The following NOSTRIN variants were observed in gnomAD, a reference collection of about 807,000 sequenced individuals.
The protein encoded by NOSTRIN is BM247 homolog.
In NOSTRIN, 63 loss-of-function variants were observed where a neutral mutation model predicts 59.0. The observed-to-expected ratio is 1.07, with a 90% CI of 0.87 to 1.32. The LOEUF (loss-of-function observed/expected upper bound fraction) is 1.32, where lower values mean the gene tolerates loss of function less well. Ranked by LOEUF, NOSTRIN falls within the 40% of genes most tolerant of loss-of-function variation. NOSTRIN has a pLI of 0.00. For missense variants in NOSTRIN, 512 were observed against 473.1 expected, an observed-to-expected ratio of 1.08 and a Z score of -0.76; for synonymous variants, 200 against 165.4, an observed-to-expected ratio of 1.21 and a Z score of -1.61.
At chr2:168,821,271 G>A (rs2105595425) in intron 2 of NOSTRIN, among the ~76,000 whole-genome samples, 1 of 152,350 alleles carries the variant, frequency 6.6e-6, no homozygotes, top group South Asian at 2.1e-4. Flanking sequence ...TCAAGTGCTT[G>A]ACAGCAGTGT....
chr2:168,812,541 T>C (rs1231754990), intron 2 of NOSTRIN, among the ~76,000 whole-genome samples: 1 of 152,126 alleles, frequency 6.6e-6, no homozygotes, highest in Non-Finnish European at 1.5e-5. Context: ...ACCCATCACA[T>C]GGGAGAGGCC....
intron 2 of NOSTRIN, among the ~76,000 whole-genome samples, chr2:168,788,827 C>G (rs1337618724): frequency 6.6e-6 from 1 of 151,870 alleles, no homozygotes; most frequent in Non-Finnish European, 1.5e-5. Context: ...AAAATGAACA[C>G]AGATGTTAAG....
chr2:168,799,257 T>A (rs189260997), upstream of NOSTRIN, among the ~76,000 whole-genome samples: 1 of 152,328 alleles, frequency 6.6e-6, no homozygotes, highest in East Asian at 1.9e-4. Context: ...GCTCTACTTA[T>A]ATTAAGTTGG....
At chr2:168,803,119 A>G (rs1181457142) in intron 1 of NOSTRIN, among the ~76,000 whole-genome samples, 1 of 152,154 alleles carries the variant, frequency 6.6e-6, no homozygotes, top group Non-Finnish European at 1.5e-5. Context: ...AAGGATCACA[A>G]GTCCTGCAGG....
chr2:168,827,431 G>T (rs1687116683), intron 3 of NOSTRIN, among the ~76,000 whole-genome samples: 1 of 152,168 alleles, frequency 6.6e-6, no homozygotes, highest in African/African-American at 2.4e-5. Flanking sequence ...GACATGAACA[G>T]GGCTCTCAAG....
intron 10 of NOSTRIN, among the ~76,000 whole-genome samples, chr2:168,852,868 G>C (rs943831680): frequency 6.6e-6 from 1 of 152,136 alleles, no homozygotes; most frequent in Non-Finnish European, 1.5e-5. Context: ...AAACAAGGTA[G>C]AAATGGAAGT....
At chr2:168,824,522 C>G in intron 2 of NOSTRIN, 112 bp from the exon 3 acceptor site, 1 of 643,856 alleles carries the variant, frequency 1.6e-6, no homozygotes, top group South Asian at 1.7e-5. Flanking sequence ...TGGTCTTGAA[C>G]TCCTGGCCTC....
intron 1 of NOSTRIN, among the ~76,000 whole-genome samples, chr2:168,806,247 C>T (rs1451707064): frequency 6.6e-6 from 1 of 152,106 alleles, no homozygotes; most frequent in Non-Finnish European, 1.5e-5. Context: ...GTTTCTTTAA[C>T]ACTGTGAGGA....
rs146432602 is a variant in NOSTRIN at position 168,790,350 on chromosome 2, G to A, written c.-473+2302G>A. Among the ~76,000 whole-genome samples the A allele has an allele frequency of 2.8e-3, 428 of 152,230 alleles. 7 individuals are homozygous for A. Among genetic ancestry groups the A allele is most frequent in the Admixed American group, 0.024 (368 of 15,296 alleles). On this transcript the variant is annotated intron_variant, in intron 2 of 20. Coordinates refer to the NOSTRIN transcript ENST00000458381. ...GTGTTTGCCTAGTTTCAAGGTGTAC[G>A]TCACCACAAAATATTTACTAACTTC...
At chr2:168,808,021 T>C (rs1039933696) in intron 1 of NOSTRIN, among the ~76,000 whole-genome samples, 15 of 152,210 alleles carry the variant, frequency 9.9e-5, no homozygotes, top group African/African-American at 2.4e-5. Context: ...GAGTTTTCAA[T>C]CACTGGCTTA....
rs199990125 is a variant in NOSTRIN, at chr2:168,850,024, TG to T, written c.631-1059del. Among the ~76,000 whole-genome samples the T allele has an allele frequency of 4.8e-3, 728 of 151,764 alleles. 9 individuals carry two copies. The East Asian group carries it at 0.055, about 11-fold the overall frequency. On this transcript the variant is annotated intron_variant, in intron 8 of 15. Transcript: ENST00000317647. ...TTCACCTCCTGGGTTCAGGCAATTC[TG>T]CCTCAACCTCCTGAGTAGCTGGGAT...
At chr2:168,837,426 C>T (rs1047159563) in intron 7 of NOSTRIN, among the ~76,000 whole-genome samples, 2 of 149,118 alleles carry the variant, frequency 1.3e-5, no homozygotes, top group African/African-American at 4.9e-5. Flanking sequence ...TCTCCTGCCT[C>T]AGCCTCCCGA....
chr2:168,864,048 AC>A (rs1190839764), intron 15 of NOSTRIN, among the ~76,000 whole-genome samples: 1 of 150,866 alleles, frequency 6.6e-6, no homozygotes, highest in Non-Finnish European at 1.5e-5. Context: ...GCTCACTGCA[AC>A]CTCCGTCTCC....
At chr2:168,831,600 C>T in intron 6 of NOSTRIN, 66 bp downstream of exon 6, 1 of 794,496 alleles carries the variant, frequency 1.3e-6, no homozygotes, top group Non-Finnish European at 2.3e-6. Flanking sequence ...TGCTTTCATA[C>T]AAATGCGATG....
At chr2:168,860,967 C>A in intron 14 of NOSTRIN, 58 bp downstream of exon 14, 1 of 1,115,336 alleles carries the variant, frequency 9.0e-7, no homozygotes, top group Non-Finnish European at 1.4e-6. Context: ...CACATTGCTA[C>A]ATTTAAATTT....
At chr2:168,863,124 T>A (rs1409683726) in intron 15 of NOSTRIN, among the ~76,000 whole-genome samples, 1 of 152,208 alleles carries the variant, frequency 6.6e-6, no homozygotes, top group African/African-American at 2.4e-5. Context: ...TTCAGTTCTC[T>A]GTTGGTTGCA....
intron 7 of NOSTRIN, among the ~76,000 whole-genome samples, chr2:168,839,800 C>T (rs1214686579): frequency 6.7e-6 from 1 of 148,352 alleles, no homozygotes; most frequent in Non-Finnish European, 1.5e-5. Flanking sequence ...GCAGGCGAAT[C>T]GCTTGAACCT....
chr2:168,821,750 C>T (rs998652143), intron 2 of NOSTRIN, among the ~76,000 whole-genome samples: 8 of 152,158 alleles, frequency 5.3e-5, no homozygotes, highest in African/African-American at 1.9e-4. Flanking sequence ...CAGAAGCTCT[C>T]GGCAGAGGCC....
intron 8 of NOSTRIN, among the ~76,000 whole-genome samples, chr2:168,848,804 G>A (rs1051449431): frequency 2.6e-5 from 4 of 152,078 alleles, no homozygotes; most frequent in East Asian, 1.9e-4. Context: ...ATGAGAAGTC[G>A]TTGTTTCATG....
Sources: gnomAD v4.1 joint callset for allele counts (sites outside exome capture counted in the v4.1 genomes callset) on GRCh38, gnomAD v4.1.1 for gene constraint, MANE v1.5 for transcripts, NCBI Gene and HGNC (gene_info 2026-07-23, HGNC 2026-07-21) for gene names.